TMEM64: variants seen among roughly 807,000 people sequenced by gnomAD.
TMEM64 encodes the protein transmembrane protein 64.
A neutral mutation model predicts 24.5 loss-of-function variants in TMEM64; 19 were observed. The observed-to-expected ratio is 0.78, with a 90% confidence interval of 0.54 to 1.14. TMEM64 has a LOEUF of 1.14. Among genes scored for constraint, TMEM64 ranks in the 50% most tolerant of loss-of-function variants. The pLI is 0.00. For missense variants in TMEM64, 487 were observed against 493.0 expected (o/e 0.99, Z 0.12); for synonymous variants, 262 against 224.7 (o/e 1.17, Z -1.49).
intron 2 of TMEM64, among the ~76,000 whole-genome samples, chr8:90,628,542 T>C (rs1038759195): frequency 1.3e-5 from 2 of 151,966 alleles, no homozygotes; most frequent in Admixed American, 6.6e-5. Context: ...CAACCATGAG[T>C]TAAATATCAA....
chr8:90,645,810 G>T lies in TMEM64; in HGVS notation c.96C>A (p.Ala32=). ...CGTCCCCGCCCGCACCCCGCGGCAGGGCCCAGCGGGCCGGCAGCTCGGCGA... is the reference window on the plus strand; with the variant it reads ...CGTCCCCGCCCGCACCCCGCGGCAGTGCCCAGCGGGCCGGCAGCTCGGCGA... ...PGLAELPARW[A]LPRGAGGDGP... The change falls in exon 1 of 3, where the codon GCC becomes GCA. Residue 32 remains alanine (A), a synonymous_variant. Transcript: ENST00000458549. This position sits in a 1 kb window ranked among gnomAD's most constrained non-coding sequence, Gnocchi z 4.2. 7.7e-6 allele frequency: 8 copies of T among 1,038,874 alleles called. No homozygotes were observed. Among genetic ancestry groups the T allele is most frequent in the Non-Finnish European group, 9.2e-6 (8 of 866,340 alleles). 64.4% of individuals were successfully genotyped at this position (1,038,874 alleles called of 1,614,324 possible). A position where few individuals can be genotyped will look rare whatever the true frequency, so the allele number is the denominator to read the frequency against.
intron 1 of TMEM64, among the ~76,000 whole-genome samples, chr8:90,641,486 T>C (rs1001531298): frequency 6.6e-6 from 1 of 152,214 alleles, no homozygotes; most frequent in Non-Finnish European, 1.5e-5. Flanking sequence ...GTCAACTGTA[T>C]AGAACCTTAC....
At chr8:90,636,769 G>C (rs1406651446) in intron 1 of TMEM64, among the ~76,000 whole-genome samples, 1 of 152,106 alleles carries the variant, frequency 6.6e-6, no homozygotes, top group Admixed American at 6.5e-5. Context: ...AATACCATTG[G>C]AATTCCTGCT....
rs1420231368 is a variant in TMEM64 at position 90,625,577 on chromosome 8, A to G, written c.*94T>C. 9.6e-7 allele frequency: 1 copy of G among 1,038,088 alleles called. No individual in the cohort carries two copies. Among genetic ancestry groups the G allele is most frequent in the African/African-American group, 1.6e-5 (1 of 62,806 alleles). The allele number at this position is 1,038,088 out of a possible 1,614,324, so 64.3% of individuals were successfully genotyped here. On this transcript the variant is annotated 3_prime_UTR_variant, in exon 3 of 3. Coordinates refer to ENST00000458549, the MANE Select transcript of TMEM64 (RefSeq NM_001008495.4). ...AACTAGTCAGTTTTGTTTGTGCTGT[A>G]ATACAATTAGAACTTGTCTCTGCCC...
intron 2 of TMEM64, among the ~76,000 whole-genome samples, chr8:90,626,922 C>T (rs1586125243): frequency 6.6e-6 from 1 of 152,108 alleles, no homozygotes; most frequent in African/African-American, 2.4e-5. Flanking sequence ...GCCACAGTGC[C>T]CGGCCAACTT....
chr8:90,643,555 T>C (rs1809639450), intron 1 of TMEM64, among the ~76,000 whole-genome samples: 1 of 152,138 alleles, frequency 6.6e-6, no homozygotes, highest in Non-Finnish European at 1.5e-5. Context: ...ATCAGAAATA[T>C]GTGGAAAGAG....
At chr8:90,638,107 T>A (rs1172240517) in intron 1 of TMEM64, among the ~76,000 whole-genome samples, 1 of 151,066 alleles carries the variant, frequency 6.6e-6, no homozygotes, top group Non-Finnish European at 1.5e-5. Flanking sequence ...CCCCACTCAC[T>A]ACCTATGGTA....
At chr8:90,631,776 T>C (rs1214791843) in intron 1 of TMEM64, 69 bp from the exon 2 acceptor site, 5 of 1,405,070 alleles carry the variant, frequency 3.6e-6, no homozygotes, top group Non-Finnish European at 5.0e-6. Context: ...AAAAAATGTG[T>C]GTATTAAGTC....
chr8:90,645,129 A>C lies in TMEM64; in HGVS notation c.777T>G (p.Leu259=). ...LARLTPIPFG[L]QNAVFSITDL... Reference sequence around the variant, plus strand: ...CACTTACCGAAAACACTGCATTCTGAAGCCCAAAAGGTATGGGTGTCAGTC... The same window carrying C: ...CACTTACCGAAAACACTGCATTCTGCAGCCCAAAAGGTATGGGTGTCAGTC... Residue 259 remains leucine, a synonymous_variant, in exon 1 of 3, where the codon CTT becomes CTG. Transcript: ENST00000458549. This position sits in a 1 kb window ranked among gnomAD's most constrained non-coding sequence, Gnocchi z 4.2. 2 of 1,607,462 alleles carry C rather than the reference A, an allele frequency of 1.2e-6. No homozygotes were observed. The highest frequency in any genetic ancestry group is 1.7e-6 in the Non-Finnish European group (2 of 1,174,660).
At chr8:90,637,211 T>C (rs1197662707) in intron 1 of TMEM64, among the ~76,000 whole-genome samples, 1 of 152,194 alleles carries the variant, frequency 6.6e-6, no homozygotes, top group Non-Finnish European at 1.5e-5. Flanking sequence ...ACAGAGAACC[T>C]CTGTCTTCAG....
chr8:90,643,357 A>C (rs577658250), intron 1 of TMEM64, among the ~76,000 whole-genome samples: 13 of 152,298 alleles, frequency 8.5e-5, no homozygotes, highest in African/African-American at 2.6e-4. Flanking sequence ...AATCCTATGG[A>C]AGTAGGTATC....
Position 90,626,182 on chromosome 8 carries a change from C to G in TMEM64, c.952-320G>C, listed in dbSNP as rs543770839. On this transcript the variant is annotated intron_variant, in intron 2 of 2. Coordinates refer to ENST00000458549, the MANE Select transcript of TMEM64 (RefSeq NM_001008495.4). Reference sequence around the variant, plus strand: ...GCTTTCTTCAAGGAATAAAAAATGTCTACAATAGAGGTAACAGCTGGCTAA... The same window carrying G: ...GCTTTCTTCAAGGAATAAAAAATGTGTACAATAGAGGTAACAGCTGGCTAA... Among the ~76,000 whole-genome samples, 4 of 152,266 alleles carry G rather than the reference C, an allele frequency of 2.6e-5. No homozygotes were observed. In the East Asian group the frequency reaches 7.7e-4, roughly 29 times the overall value.
In TMEM64 at chr8:90,624,950, C is replaced by A. The variant is rs1003234422; in HGVS notation, c.*721G>T. The A allele has an allele frequency of 6.6e-6, 1 of 152,512 alleles. No individual in the cohort carries two copies. Among genetic ancestry groups the A allele is most frequent in the Non-Finnish European group, 1.5e-5 (1 of 67,986 alleles). The allele number at this position is 152,512 out of a possible 1,614,324, so 9.4% of individuals were successfully genotyped here. A position where few individuals can be genotyped will look rare whatever the true frequency, so the allele number is the denominator to read the frequency against. ...TAAAGCCAATGTAACTGAATTAGAA[C>A]AAGAGTTCCAATTTTGAGCTACCAT... On this transcript the variant is annotated 3_prime_UTR_variant, in exon 3 of 3. Coordinates refer to ENST00000458549, the MANE Select transcript of TMEM64 (RefSeq NM_001008495.4).
At chr8:90,637,445 A>G (rs533784808) in intron 1 of TMEM64, among the ~76,000 whole-genome samples, 263 of 152,308 alleles carry the variant, frequency 1.7e-3, no homozygotes, top group Non-Finnish European at 1.3e-3. Flanking sequence ...GAAGACCTCA[A>G]ATTTTATGTG....
chr8:90,630,253 C>T (rs534973120), intron 2 of TMEM64, among the ~76,000 whole-genome samples: 7 of 152,260 alleles, frequency 4.6e-5, no homozygotes, highest in African/African-American at 1.7e-4. Flanking sequence ...TTCTATATTA[C>T]TTATAATACC....
Position 90,645,942 on chromosome 8 carries a change from CT to C in TMEM64, c.-38del. 1 of 1,105,480 alleles carries C rather than the reference CT, an allele frequency of 9.0e-7. No homozygotes were observed. Among genetic ancestry groups the C allele is most frequent in the Non-Finnish European group, 1.1e-6 (1 of 901,462 alleles). The allele number at this position is 1,105,480 out of a possible 1,614,324, so 68.5% of individuals were successfully genotyped here. Reference sequence around the variant, plus strand: ...GCGCGGGCCCTCAGCCGGCCAGCCCCTCCGCCGCGGCGCCCGTTAGGCAGCT... The same window carrying C: ...GCGCGGGCCCTCAGCCGGCCAGCCCCCCGCCGCGGCGCCCGTTAGGCAGCT... On this transcript the variant is annotated 5_prime_UTR_variant, in exon 1 of 3. The change abolishes the stop of an existing upstream ORF in the 5' untranslated region. Transcript: ENST00000458549. The surrounding 1 kb of genome is among the most constrained non-coding windows in gnomAD (Gnocchi z 4.2).
intron 1 of TMEM64, among the ~76,000 whole-genome samples, chr8:90,638,934 C>T (rs7463641): frequency 0.45 from 67,594 of 151,858 alleles, 15,755 homozygotes; most frequent in East Asian, 0.73. Context: ...TTCACGGCTA[C>T]ACCTCCAGCA....
At position 90,645,371 on chromosome 8, in the gene TMEM64, T is replaced by G. The variant is rs200134832; in HGVS notation, c.535A>C (p.Ile179Leu). 6.5e-5 allele frequency: 101 copies of G among 1,552,052 alleles called. 1 individual carries two copies. The East Asian group carries it at 2.0e-3, about 31-fold the overall frequency. The change falls in exon 1 of 3, where the codon ATC becomes CTC. Residue 179 changes from isoleucine (I) to leucine (L), a missense_variant. This residue lies in a region of TMEM64 where 419 missense variants were observed against 407.5 expected (regional missense o/e 1.03). Transcript: ENST00000458549. The surrounding 1 kb of genome is among the most constrained non-coding windows in gnomAD (Gnocchi z 4.2). ...TAGCCAGCGGCCACGTTGAGCACGATGTAGCCCCAGCCGCAGGGGAAAGAG... is the reference window on the plus strand; with the variant it reads ...TAGCCAGCGGCCACGTTGAGCACGAGGTAGCCCCAGCCGCAGGGGAAAGAG... ...VVSFPCGWGY[I>L]VLNVAAGYLY... is the part of the protein sequence containing the mutation.
intron 2 of TMEM64, among the ~76,000 whole-genome samples, chr8:90,627,292 AC>A (rs1017802447): frequency 6.6e-6 from 1 of 152,086 alleles, no homozygotes; most frequent in African/African-American, 2.4e-5. Context: ...TTAAATGAGT[AC>A]CCATCACTCA....
Sources: allele counts gnomAD v4.1 joint callset (sites outside exome capture counted in the v4.1 genomes callset), GRCh38; gene constraint gnomAD v4.1.1; regional missense constraint gnomAD v4.1.1; non-coding constraint Gnocchi (gnomAD v3.1); transcripts MANE v1.5; gene names NCBI Gene and HGNC (gene_info 2026-07-23, HGNC 2026-07-21).